RBFOX3: variants seen among roughly 807,000 people sequenced by gnomAD.
The protein encoded by RBFOX3 is RNA binding protein fox-1 homolog 3.
In RBFOX3, 17 loss-of-function variants were observed where a neutral mutation model predicts 48.7. That is an observed-to-expected ratio of 0.35 (90% confidence interval 0.24 to 0.52). RBFOX3 has a LOEUF of 0.52. Among genes scored for constraint, RBFOX3 ranks in the 20% least tolerant of loss-of-function variants. RBFOX3 has a pLI of 0.94. For synonymous variants in RBFOX3, 212 were observed against 209.5 expected, an observed-to-expected ratio of 1.01 and a Z score of -0.10; for missense variants, 382 against 497.5, an observed-to-expected ratio of 0.77 and a Z score of 2.21.
chr17:79,230,388 T>G (rs1374238776), intron 4 of RBFOX3, among the ~76,000 whole-genome samples: 1 of 152,036 alleles, frequency 6.6e-6, no homozygotes, highest in Non-Finnish European at 1.5e-5. Flanking sequence ...GCCTCCAGAG[T>G]AGCTGGGACT....
chr17:79,349,443 T>C (rs2083474893), intron 2 of RBFOX3, among the ~76,000 whole-genome samples: 1 of 151,490 alleles, frequency 6.6e-6, no homozygotes, highest in Non-Finnish European at 1.5e-5. Context: ...CCTCCTCACT[T>C]CTCCCACCTT....
upstream of RBFOX3, among the ~76,000 whole-genome samples, chr17:79,614,115 A>G (rs1599295373): frequency 1.3e-5 from 2 of 152,252 alleles, no homozygotes. Context: ...GTCTCGGCCC[A>G]GAGGCAGGGA....
chr17:79,120,464 T>G (rs1003477739), intron 4 of RBFOX3, among the ~76,000 whole-genome samples: 6 of 150,346 alleles, frequency 4.0e-5, no homozygotes, highest in African/African-American at 1.5e-4. Flanking sequence ...GATGAGTGAA[T>G]GGATGGATGG....
intron 4 of RBFOX3, among the ~76,000 whole-genome samples, chr17:79,208,100 T>A (rs779832891): frequency 2.0e-5 from 3 of 152,006 alleles, no homozygotes; most frequent in Non-Finnish European, 2.9e-5. Flanking sequence ...AAGGCTTATT[T>A]ACAGTCACTG....
intron 4 of RBFOX3, among the ~76,000 whole-genome samples, chr17:79,161,010 G>C (rs889801573): frequency 6.6e-6 from 1 of 151,390 alleles, no homozygotes; most frequent in East Asian, 1.9e-4. Flanking sequence ...AAAAAGTCTC[G>C]TGGGCTGGGC....
chr17:79,659,592 C>T, the RBFOX3 span, among the ~76,000 whole-genome samples: 15 of 152,104 alleles, frequency 9.9e-5, no homozygotes, highest in African/African-American at 3.6e-4. Flanking sequence ...AGAGCCACAC[C>T]CCAGACACCA....
intron 2 of RBFOX3, among the ~76,000 whole-genome samples, chr17:79,345,937 G>GT (rs1224684352): frequency 8.6e-5 from 13 of 151,874 alleles, no homozygotes; most frequent in Admixed American, 3.9e-4. Context: ...TGTTTGTTTT[G>GT]TTTTTTTGAG....
chr17:79,095,631 A>G (rs2075075314), intron 12 of RBFOX3, 57 bp from the exon 13 acceptor site: 1 of 1,461,902 alleles, frequency 6.8e-7, no homozygotes, highest in Non-Finnish European at 9.4e-7. Context: ...TCCCCAGGGA[A>G]AGGCTGAGTG....
intron 4 of RBFOX3, among the ~76,000 whole-genome samples, chr17:79,184,827 A>G (rs2053070051): frequency 6.6e-6 from 1 of 151,892 alleles, no homozygotes; most frequent in Admixed American, 6.6e-5. Context: ...CCCGGCAGTC[A>G]TGTCGGACCC....
chr17:79,393,616 CG>C (rs1195860066), intron 2 of RBFOX3, among the ~76,000 whole-genome samples: 5 of 152,190 alleles, frequency 3.3e-5, no homozygotes, highest in Non-Finnish European at 7.4e-5. Context: ...TCACATACAT[CG>C]GAGCCGGTCA....
intron 1 of RBFOX3, among the ~76,000 whole-genome samples, chr17:79,524,674 C>T (rs2150025542): frequency 6.6e-6 from 1 of 152,236 alleles, no homozygotes; most frequent in South Asian, 2.1e-4. Context: ...TTAGATCCTG[C>T]TGCCCCCGGC....
chr17:79,104,189 C>A (rs1425901471), intron 6 of RBFOX3, 63 bp from the exon 7 acceptor site: 2 of 1,350,084 alleles, frequency 1.5e-6, no homozygotes, highest in Non-Finnish European at 2.1e-6. Flanking sequence ...AGACTGCTGG[C>A]CCAGCTGCCC....
At chr17:79,507,646 G>C (rs1483801133) in intron 1 of RBFOX3, among the ~76,000 whole-genome samples, 1 of 152,186 alleles carries the variant, frequency 6.6e-6, no homozygotes. Context: ...AGCCACAGCT[G>C]GTACTGCCAC....
chr17:79,238,728 C>T (rs1044960654), intron 3 of RBFOX3, among the ~76,000 whole-genome samples: 20 of 152,126 alleles, frequency 1.3e-4, no homozygotes, highest in African/African-American at 4.4e-4. Flanking sequence ...GTGTCACACA[C>T]GTACGAGTGT....
upstream of RBFOX3, among the ~76,000 whole-genome samples, chr17:79,611,174 CCGCCCTCCT>C (rs1470721670): frequency 0.16 from 2,561 of 16,268 alleles, 639 homozygotes; most frequent in African/African-American, 0.52. Context: ...CTCTCTCTCT[CCGCCCTCCT>C]TCTCTCTCTC....
intron 1 of RBFOX3, among the ~76,000 whole-genome samples, chr17:79,590,907 A>G (rs1394388012): frequency 1.3e-5 from 2 of 152,222 alleles, no homozygotes; most frequent in Non-Finnish European, 2.9e-5. Flanking sequence ...AGAAATCTTC[A>G]ATGAACCCCA....
chr17:79,212,283 T>G lies in RBFOX3; in HGVS notation c.-34+23483A>C, dbSNP rs1175835911. Among the ~76,000 whole-genome samples, 1 of 152,180 alleles carries G rather than the reference T, an allele frequency of 6.6e-6. No homozygotes were observed. The highest frequency in any genetic ancestry group is 1.9e-4 in the East Asian group (1 of 5,182). ...GCTGGGGCTGGGGCTGGGGCAGGGC[T>G]GCTCCGCCTGGGCTCCTACGTGACT... On this transcript the variant is annotated intron_variant, in intron 4 of 14. Coordinates refer to ENST00000693108, the MANE Select transcript of RBFOX3 (RefSeq NM_001350451.2). This position sits in a 1 kb window ranked among gnomAD's most constrained non-coding sequence, Gnocchi z 4.7.
the RBFOX3 span, among the ~76,000 whole-genome samples, chr17:79,648,627 T>C: frequency 6.6e-6 from 1 of 152,196 alleles, no homozygotes; most frequent in Non-Finnish European, 1.5e-5. Flanking sequence ...TTGGGGCCGA[T>C]GGGGGCATGG....
intron 3 of RBFOX3, among the ~76,000 whole-genome samples, chr17:79,304,749 G>C (rs575115732): frequency 6.6e-6 from 1 of 152,322 alleles, no homozygotes; most frequent in South Asian, 2.1e-4. Context: ...GGATTAGAAT[G>C]AAAGAGGATG....
Sources: gnomAD v4.1 joint callset for allele counts (sites outside exome capture counted in the v4.1 genomes callset) on GRCh38, gnomAD v4.1.1 for gene constraint, Gnocchi (gnomAD v3.1) non-coding constraint, MANE v1.5 for transcripts, NCBI Gene and HGNC (gene_info 2026-07-23, HGNC 2026-07-21) for gene names.